CCSER2: variants seen among roughly 807,000 people sequenced by gnomAD.
CCSER2 encodes the protein serine-rich coiled-coil domain-containing protein 2.
Under a neutral mutation model 92.3 loss-of-function variants are expected in CCSER2, and 46 were observed. The ratio of observed to expected loss-of-function variants is 0.50; its 90% CI spans 0.39 to 0.64. The LOEUF (loss-of-function observed/expected upper bound fraction) is 0.64. CCSER2 is among the 30% of genes least tolerant of loss of function. CCSER2 has a pLI of 0.00. For missense variants in CCSER2, 1,244 were observed against 1,238.9 expected (o/e 1.00, Z -0.06); for synonymous variants, 433 against 431.4 (o/e 1.00, Z -0.04).
chr10:84,432,414 C>G (rs922544057), intron 5 of CCSER2, among the ~76,000 whole-genome samples: 5 of 152,164 alleles, frequency 3.3e-5, no homozygotes, highest in African/African-American at 1.2e-4. Context: ...CTTTCCCTCC[C>G]CTGTCTAGTA....
chr10:84,451,418 C>CT (rs1263293340), intron 6 of CCSER2, among the ~76,000 whole-genome samples: 5 of 151,902 alleles, frequency 3.3e-5, no homozygotes, highest in African/African-American at 1.2e-4. Context: ...GTAGCTGGGA[C>CT]TACAGGCACG....
At chr10:84,392,184 C>G in intron 3 of CCSER2, 1 of 535,770 alleles carries the variant, frequency 1.9e-6, no homozygotes, top group Middle Eastern at 5.1e-4. Context: ...CAATCTCAAC[C>G]CTACTGGAAG....
intron 5 of CCSER2, among the ~76,000 whole-genome samples, chr10:84,432,182 G>C (rs772310083): frequency 1.3e-5 from 2 of 152,070 alleles, no homozygotes; most frequent in Non-Finnish European, 2.9e-5. Context: ...ATGCTTATTT[G>C]CCATCTGTAT....
At chr10:84,487,970 T>A (rs530830754) in intron 9 of CCSER2, among the ~76,000 whole-genome samples, 41 of 152,212 alleles carry the variant, frequency 2.7e-4, no homozygotes, top group Admixed American at 6.5e-4. Context: ...ATTTTGTCAA[T>A]GGCCTTTTCT....
At position 84,395,513 on chromosome 10, in the gene CCSER2, A is replaced by G. The variant is rs148342022; in HGVS notation, c.1614+21698A>G. On this transcript the variant is annotated intron_variant, in intron 3 of 9. Coordinates refer to ENST00000372088, the MANE Select transcript of CCSER2 (RefSeq NM_001284240.2). ...TTGGTTTTATTGTCCCGTGGTGATT[A>G]TAAGTATTGCTTTCAGGCTCTTCAA... Among the ~76,000 whole-genome samples, 34 of 152,310 alleles carry G rather than the reference A, an allele frequency of 2.2e-4. 1 individual carries two copies. In the East Asian group the frequency reaches 5.6e-3, roughly 25 times the overall value.
chr10:84,378,800 T>C (rs899721378), intron 3 of CCSER2, among the ~76,000 whole-genome samples: 1 of 152,190 alleles, frequency 6.6e-6, no homozygotes, highest in Non-Finnish European at 1.5e-5. Flanking sequence ...CTTGAACTCC[T>C]GGGCTGAAGT....
chr10:84,440,737 T>C (rs1844480160), intron 6 of CCSER2, among the ~76,000 whole-genome samples: 1 of 152,244 alleles, frequency 6.6e-6, no homozygotes, highest in African/African-American at 2.4e-5. Flanking sequence ...GCACACTGTT[T>C]TAGTTACTTC....
Position 84,489,221 on chromosome 10 carries a change from T to A in CCSER2, c.2325+11557T>A, listed in dbSNP as rs190492661. ...GAGAAGAATGTATAGTCTGTTGATT[T>A]GGGGTGGAGAGTTCTGTAGATGTCT... On this transcript the variant is annotated intron_variant, in intron 9 of 9. Coordinates refer to ENST00000372088, the MANE Select transcript of CCSER2 (RefSeq NM_001284240.2). Among the ~76,000 whole-genome samples, 391 of 152,306 alleles carry A rather than the reference T, an allele frequency of 2.6e-3. 1 individual carries two copies. The highest frequency in any genetic ancestry group is 8.5e-3 in the African/African-American group (354 of 41,568).
At chr10:84,386,903 A>G (rs1455537055) in intron 3 of CCSER2, among the ~76,000 whole-genome samples, 2 of 152,174 alleles carry the variant, frequency 1.3e-5, no homozygotes, top group Non-Finnish European at 2.9e-5. Context: ...ATGGACATAA[A>G]CATGGAAATA....
At chr10:84,402,518 G>A (rs1468086743) in intron 3 of CCSER2, among the ~76,000 whole-genome samples, 4 of 152,178 alleles carry the variant, frequency 2.6e-5, no homozygotes, top group African/African-American at 7.2e-5. Context: ...GTTGAAAATC[G>A]ATCAGTATAA....
At chr10:84,382,617 A>G (rs999004330) in intron 3 of CCSER2, among the ~76,000 whole-genome samples, 1 of 152,208 alleles carries the variant, frequency 6.6e-6, no homozygotes, top group East Asian at 1.9e-4. Flanking sequence ...TTGAACTACA[A>G]TGTCATGATG....
At chr10:84,416,490 T>C (rs950682205) in intron 3 of CCSER2, among the ~76,000 whole-genome samples, 1 of 152,236 alleles carries the variant, frequency 6.6e-6, no homozygotes, top group Non-Finnish European at 1.5e-5. Flanking sequence ...CCAGAGATTT[T>C]GTTTTTCAAA....
chr10:84,426,735 G>T (rs1843456041), intron 5 of CCSER2, among the ~76,000 whole-genome samples: 1 of 152,134 alleles, frequency 6.6e-6, no homozygotes, highest in African/African-American at 2.4e-5. Flanking sequence ...GTGTTGTGTA[G>T]TTCCTAAAGT....
rs1331818730 is a variant in CCSER2 at position 84,513,798 on chromosome 10, C to T, written c.2675C>T (p.Pro892Leu). The part of the protein sequence containing the change: ...QFIPTSLQTP[P>L]ESSTVDQAKR... ...ATACCCACTTCTCTTCAGACACCTCCCGAGTCAAGTACAGTAGACCAGGCT... is the reference window on the plus strand; with the variant it reads ...ATACCCACTTCTCTTCAGACACCTCTCGAGTCAAGTACAGTAGACCAGGCT... The change falls in exon 10 of 10, where the codon CCC becomes CTC. Residue 892 changes from proline (P) to leucine (L), a missense_variant. By Grantham distance (98) the Pro-to-Leu change is moderately conservative. Coordinates refer to ENST00000372088, the MANE Select transcript of CCSER2 (RefSeq NM_001284240.2). 1 of 1,536,332 alleles carries T rather than the reference C, an allele frequency of 6.5e-7. No homozygotes were observed. The highest frequency in any genetic ancestry group is 2.0e-5 in the Admixed American group (1 of 50,992).
At chr10:84,362,756 G>A (rs1310018627) in intron 1 of CCSER2, among the ~76,000 whole-genome samples, 3 of 151,998 alleles carry the variant, frequency 2.0e-5, no homozygotes, top group Non-Finnish European at 2.9e-5. Context: ...GGAAGTAAGC[G>A]CACCATTTTA....
Position 84,502,400 on chromosome 10 carries a change from C to T in CCSER2, c.2326-11049C>T, listed in dbSNP as rs761346847. Among the ~76,000 whole-genome samples the T allele has an allele frequency of 3.8e-3, 472 of 123,178 alleles. 2 individuals carry two copies. The highest frequency in any genetic ancestry group is 5.8e-3 in the Non-Finnish European group (354 of 61,510). 80.8% of individuals were successfully genotyped at this position (123,178 alleles called of 152,430 possible). A position where few individuals can be genotyped will look rare whatever the true frequency, so the allele number is the denominator to read the frequency against. ...TTTTTTTTTTTTTTGAGACAAGAGT[C>T]TTGCTCTGTTGCCCAGGCTGGAGTG... On this transcript the variant is annotated intron_variant, in intron 9 of 9. Transcript: ENST00000372088.
At chr10:84,417,629 A>T (rs904215653) in intron 3 of CCSER2, 142 bp from the exon 4 acceptor site, 15 of 457,310 alleles carry the variant, frequency 3.3e-5, no homozygotes, top group Non-Finnish European at 5.5e-5. Context: ...TTTTATTTTT[A>T]AAAAACTTGA....
At chr10:84,501,835 AT>A (rs764021851) in intron 9 of CCSER2, among the ~76,000 whole-genome samples, 4,359 of 46,546 alleles carry the variant, frequency 0.094, 577 homozygotes, top group African/African-American at 0.21. Flanking sequence ...AAAAAAAAAA[AT>A]ATATATATAT....
chr10:84,487,969 A>G (rs192610800), intron 9 of CCSER2, among the ~76,000 whole-genome samples: 32 of 152,274 alleles, frequency 2.1e-4, no homozygotes, highest in East Asian at 5.8e-4. Context: ...AATTTTGTCA[A>G]TGGCCTTTTC....
Sources: allele counts gnomAD v4.1 joint callset (sites outside exome capture counted in the v4.1 genomes callset), GRCh38; gene constraint gnomAD v4.1.1; transcripts MANE v1.5; gene names NCBI Gene and HGNC (gene_info 2026-07-23, HGNC 2026-07-21).